The following TBC1D5 variants were observed in gnomAD, a reference collection of about 807,000 sequenced individuals.
TBC1D5 encodes the protein TBC1 domain family, member 5.
A neutral mutation model predicts 100.3 loss-of-function variants in TBC1D5; 75 were observed. That is an observed-to-expected ratio of 0.75 (90% confidence interval 0.62 to 0.91). The LOEUF (loss-of-function observed/expected upper bound fraction) is 0.91, where lower values mean the gene tolerates loss of function less well. Among genes scored for constraint, TBC1D5 ranks in the 40% least tolerant of loss-of-function variants. The pLI is 0.00. For missense variants in TBC1D5, 910 were observed against 942.4 expected, an observed-to-expected ratio of 0.97 and a Z score of 0.45; for synonymous variants, 323 against 325.6, an observed-to-expected ratio of 0.99 and a Z score of 0.09.
intron 3 of TBC1D5, among the ~76,000 whole-genome samples, chr3:17,456,042 C>G (rs1328410445): frequency 6.6e-6 from 1 of 152,076 alleles, no homozygotes; most frequent in Non-Finnish European, 1.5e-5. Flanking sequence ...TAACATACAT[C>G]AGGGAAAAGA....
chr3:17,737,639 C>T (rs1430978066), intron 1 of TBC1D5, among the ~76,000 whole-genome samples: 1 of 152,074 alleles, frequency 6.6e-6, no homozygotes, highest in Non-Finnish European at 1.5e-5. Context: ...CATACATACA[C>T]ACTACTCTTC....
intron 13 of TBC1D5, among the ~76,000 whole-genome samples, chr3:17,320,904 A>G (rs1274935874): frequency 6.6e-6 from 1 of 152,198 alleles, no homozygotes; most frequent in Non-Finnish European, 1.5e-5. Context: ...CCAAACTGTT[A>G]TTATGATGGT....
At chr3:17,580,262 ACTG>A (rs2096685175) in intron 2 of TBC1D5, among the ~76,000 whole-genome samples, 1 of 152,186 alleles carries the variant, frequency 6.6e-6, no homozygotes, top group Admixed American at 6.6e-5. Flanking sequence ...ATAAATGCCT[ACTG>A]TATGCCTTAA....
intron 1 of TBC1D5, among the ~76,000 whole-genome samples, chr3:17,697,383 A>G (rs928169435): frequency 1.3e-4 from 20 of 152,234 alleles, no homozygotes; most frequent in African/African-American, 4.8e-4. Flanking sequence ...AATCTCCTTA[A>G]GCTGATAAGC....
At chr3:17,276,687 G>C (rs543223424) in intron 15 of TBC1D5, among the ~76,000 whole-genome samples, 1 of 152,270 alleles carries the variant, frequency 6.6e-6, no homozygotes, top group Non-Finnish European at 1.5e-5. Context: ...AAAAGAACCA[G>C]AACATTTCCA....
exon 22 of TBC1D5, chr3:17,158,957 G>A (rs1379700746): frequency 6.6e-6 from 1 of 152,272 alleles, no homozygotes; most frequent in Non-Finnish European, 1.5e-5. Context: ...CCTTCCCAAG[G>A]TGAGAAAGTG....
chr3:17,212,113 G>A (rs574572834), intron 18 of TBC1D5, among the ~76,000 whole-genome samples: 3 of 152,262 alleles, frequency 2.0e-5, no homozygotes, highest in African/African-American at 7.2e-5. Flanking sequence ...GATAATTTCA[G>A]CTATAGCTAG....
chr3:17,742,069 G>C (rs1365864506), upstream of TBC1D5, among the ~76,000 whole-genome samples: 2 of 152,160 alleles, frequency 1.3e-5, no homozygotes, highest in Non-Finnish European at 2.9e-5. Flanking sequence ...CCAGCCGCCA[G>C]GCCCTGCCTT....
At chr3:17,375,271 T>TA (rs137998096) in intron 10 of TBC1D5, among the ~76,000 whole-genome samples, 13,113 of 149,582 alleles carry the variant, frequency 0.088, 1,287 homozygotes, top group African/African-American at 0.24. Flanking sequence ...ACTCACATGT[T>TA]AAAAAAAAAA....
chr3:17,550,925 A>T (rs947841424), intron 2 of TBC1D5, among the ~76,000 whole-genome samples: 9 of 152,180 alleles, frequency 5.9e-5, no homozygotes, highest in African/African-American at 2.2e-4. Context: ...AAACCAAAAA[A>T]AATCCCAGTT....
At chr3:17,463,664 A>C (rs1339707060) in intron 3 of TBC1D5, among the ~76,000 whole-genome samples, 1 of 152,212 alleles carries the variant, frequency 6.6e-6, no homozygotes, top group East Asian at 1.9e-4. Flanking sequence ...TGAAGACAAA[A>C]TTTAATATTG....
chr3:17,184,994 G>C, intron 19 of TBC1D5, 115 bp downstream of exon 20: 1 of 788,772 alleles, frequency 1.3e-6, no homozygotes, highest in Middle Eastern at 2.4e-4. Flanking sequence ...CTGTTGTAAG[G>C]ATTAAATAAG....
chr3:17,705,058 C>T (rs2073867176), intron 1 of TBC1D5, among the ~76,000 whole-genome samples: 1 of 138,788 alleles, frequency 7.2e-6, no homozygotes, highest in African/African-American at 2.7e-5. Context: ...GGGCTGACCC[C>T]CCCACCTCCC....
chr3:17,442,996 T>A (rs528309971), intron 3 of TBC1D5, among the ~76,000 whole-genome samples: 1 of 152,076 alleles, frequency 6.6e-6, no homozygotes, highest in African/African-American at 2.4e-5. Context: ...CTCCAGAGGA[T>A]TTAACAGGAT....
At chr3:17,568,658 G>C (rs2096607734) in intron 2 of TBC1D5, among the ~76,000 whole-genome samples, 1 of 151,210 alleles carries the variant, frequency 6.6e-6, no homozygotes, top group Non-Finnish European at 1.5e-5. Flanking sequence ...TTCTGTATTG[G>C]CAATAGGCAA....
intron 17 of TBC1D5, among the ~76,000 whole-genome samples, chr3:17,222,537 A>G (rs772011778): frequency 3.3e-5 from 5 of 152,200 alleles, no homozygotes; most frequent in Non-Finnish European, 7.4e-5. Context: ...ACTAGTTCAA[A>G]ACAACTTTTC....
chr3:17,215,848 A>G (rs149359424), intron 17 of TBC1D5, among the ~76,000 whole-genome samples: 2 of 152,252 alleles, frequency 1.3e-5, no homozygotes, highest in East Asian at 3.9e-4. Flanking sequence ...CTTGGGTCAA[A>G]GTTGTTACAA....
At chr3:17,561,098 G>A (rs1453430321) in intron 2 of TBC1D5, among the ~76,000 whole-genome samples, 1 of 152,126 alleles carries the variant, frequency 6.6e-6, no homozygotes, top group African/African-American at 2.4e-5. Context: ...AGAACACATG[G>A]AAGAGCTTCT....
At chr3:17,730,517 G>T (rs2076471291) in intron 1 of TBC1D5, among the ~76,000 whole-genome samples, 1 of 152,186 alleles carries the variant, frequency 6.6e-6, no homozygotes, top group Non-Finnish European at 1.5e-5. Flanking sequence ...CCCTAGCTGA[G>T]CTCCTGGACA....
Sources: gnomAD v4.1 joint callset for allele counts (sites outside exome capture counted in the v4.1 genomes callset) on GRCh38, gnomAD v4.1.1 for gene constraint, MANE v1.5 for transcripts, NCBI Gene and HGNC (gene_info 2026-07-23, HGNC 2026-07-21) for gene names.